The following EPC1 variants were observed in gnomAD, a reference collection of about 807,000 sequenced individuals.
EPC1 encodes the protein enhancer of polycomb 1.
A neutral mutation model predicts 98.4 loss-of-function variants in EPC1; 12 were observed. The observed-to-expected ratio is 0.12, with a 90% CI of 0.08 to 0.20. The LOEUF is 0.20. Among genes scored for constraint, EPC1 ranks in the 10% least tolerant of loss-of-function variants. The pLI, the probability that EPC1 is intolerant of heterozygous loss-of-function variation, is 1.00. For synonymous variants in EPC1, 357 were observed against 363.9 expected (o/e 0.98, Z 0.21); for missense variants, 729 against 990.5 (o/e 0.74, Z 3.54).
chr10:32,289,060 G>C (rs1482830837), intron 6 of EPC1, among the ~76,000 whole-genome samples: 2 of 152,042 alleles, frequency 1.3e-5, no homozygotes, highest in East Asian at 1.9e-4. Context: ...CTGCACTCCA[G>C]CCTGGGTGAC....
At position 32,268,867 on chromosome 10, in the gene EPC1, A is replaced by T. The variant is rs891216408; in HGVS notation, c.*196T>A. 3.0e-5 allele frequency: 16 copies of T among 529,686 alleles called. No individual in the cohort carries two copies. Among genetic ancestry groups the T allele is most frequent in the Non-Finnish European group, 4.7e-5 (14 of 296,002 alleles). The allele number at this position is 529,686 out of a possible 1,614,324, so 32.8% of individuals were successfully genotyped here. A position where few individuals can be genotyped will look rare whatever the true frequency, so the allele number is the denominator to read the frequency against. On this transcript the variant is annotated 3_prime_UTR_variant, in exon 14 of 14. Coordinates refer to ENST00000319778, the MANE Select transcript of EPC1 (RefSeq NM_001272004.3). ...CTGTACAGATAATTGCTGTATTCTT[A>T]ATTTACAGATGTTGATTTTTTTCCT...
chr10:32,361,628 A>G (rs74495176), intron 1 of EPC1, among the ~76,000 whole-genome samples: 2 of 152,048 alleles, frequency 1.3e-5, no homozygotes, highest in East Asian at 3.9e-4. Flanking sequence ...ATCACCAGAC[A>G]CCCCCTATGG....
intron 1 of EPC1, among the ~76,000 whole-genome samples, chr10:32,361,025 G>C (rs1305463919): frequency 6.6e-6 from 1 of 152,228 alleles, no homozygotes; most frequent in African/African-American, 2.4e-5. Flanking sequence ...GGCCAAGGGA[G>C]CACTCTCCAA....
upstream of EPC1, chr10:32,347,222 C>T: frequency 8.3e-7 from 1 of 1,212,014 alleles, no homozygotes; most frequent in Non-Finnish European, 1.0e-6. Flanking sequence ...GGCACGCGGG[C>T]GGGGGGAGGG....
At chr10:32,341,521 G>C (rs1838353220) in intron 1 of EPC1, among the ~76,000 whole-genome samples, 1 of 152,128 alleles carries the variant, frequency 6.6e-6, no homozygotes, top group African/African-American at 2.4e-5. Context: ...AAGCTACACT[G>C]TAGGCAGTAC....
At chr10:32,336,449 T>A (rs1837981178) in intron 1 of EPC1, among the ~76,000 whole-genome samples, 1 of 152,132 alleles carries the variant, frequency 6.6e-6, no homozygotes, top group African/African-American at 2.4e-5. Context: ...ACAAACCCTA[T>A]CTACCTACTT....
intron 1 of EPC1, among the ~76,000 whole-genome samples, chr10:32,344,422 A>T (rs1311869099): frequency 6.6e-6 from 1 of 151,530 alleles, no homozygotes; most frequent in Non-Finnish European, 1.5e-5. Flanking sequence ...CTGAAGAAAA[A>T]AAAAAATCCC....
chr10:32,328,856 A>G (rs1007521677), intron 1 of EPC1, among the ~76,000 whole-genome samples: 1 of 152,174 alleles, frequency 6.6e-6, no homozygotes, highest in Non-Finnish European at 1.5e-5. Context: ...TGGGTGTGGC[A>G]GGAAGGTGGT....
chr10:32,335,349 G>A (rs528230165), intron 1 of EPC1, among the ~76,000 whole-genome samples: 1 of 152,088 alleles, frequency 6.6e-6, no homozygotes, highest in Non-Finnish European at 1.5e-5. Flanking sequence ...CTTCCACTCT[G>A]TTGTCTAGAC....
intron 1 of EPC1, among the ~76,000 whole-genome samples, chr10:32,328,025 A>G (rs1837408377): frequency 6.8e-6 from 1 of 146,478 alleles, no homozygotes; most frequent in African/African-American, 2.5e-5. Context: ...GTAAGCAGGA[A>G]TAAAAGGAAG....
intron 6 of EPC1, among the ~76,000 whole-genome samples, chr10:32,290,732 C>T (rs1043552458): frequency 6.6e-6 from 1 of 151,570 alleles, no homozygotes; most frequent in African/African-American, 2.4e-5. Flanking sequence ...GTGGCACAAT[C>T]ATTGCAGTAT....
intron 1 of EPC1, among the ~76,000 whole-genome samples, chr10:32,368,418 T>C (rs1236664651): frequency 6.6e-6 from 1 of 152,232 alleles, no homozygotes; most frequent in Non-Finnish European, 1.5e-5. Context: ...TCTTTGCCTG[T>C]GCCCACACTG....
intron 1 of EPC1, among the ~76,000 whole-genome samples, chr10:32,314,856 C>T (rs1386138531): frequency 1.3e-5 from 2 of 152,248 alleles, no homozygotes; most frequent in Non-Finnish European, 2.9e-5. Flanking sequence ...ATCTTTGCTG[C>T]TATCGCCATT....
chr10:32,284,614 G>GT, intron 10 of EPC1, 84 bp downstream of exon 10: 2 of 1,139,290 alleles, frequency 1.8e-6, no homozygotes. Flanking sequence ...AGCCATAAAT[G>GT]TAACAGACCA....
At chr10:32,317,868 A>C (rs1381112550) in intron 1 of EPC1, among the ~76,000 whole-genome samples, 6 of 152,192 alleles carry the variant, frequency 3.9e-5, no homozygotes, top group Non-Finnish European at 8.8e-5. Flanking sequence ...TTTACAGATA[A>C]AATAGTCCAG....
At chr10:32,275,773 TA>T (rs777944694) in intron 10 of EPC1, among the ~76,000 whole-genome samples, 2,071 of 135,352 alleles carry the variant, frequency 0.015, 15 homozygotes, top group Non-Finnish European at 0.023. Flanking sequence ...AGACTCCTTC[TA>T]AAAAAAAAAA....
At chr10:32,356,261 C>T (rs913141194) in intron 1 of EPC1, among the ~76,000 whole-genome samples, 2 of 152,100 alleles carry the variant, frequency 1.3e-5, no homozygotes, top group Non-Finnish European at 2.9e-5. Context: ...TTTTATCTTT[C>T]ACTATATTTA....
rs559902445 is a variant in EPC1 at position 32,323,748 on chromosome 10, A to T, written c.154-17817T>A. Reference sequence around the variant, plus strand: ...CCTCTTAGCATGGTCCCTAGCATACACATATTAGCTCTCTGACTAATGAAA... The same window carrying T: ...CCTCTTAGCATGGTCCCTAGCATACTCATATTAGCTCTCTGACTAATGAAA... On this transcript the variant is annotated intron_variant, in intron 1 of 13. Coordinates refer to ENST00000319778, the MANE Select transcript of EPC1 (RefSeq NM_001272004.3). 7.2e-5 allele frequency among the ~76,000 whole-genome samples: 11 copies of T among 152,330 alleles called. No individual in the cohort carries two copies. The East Asian group carries it at 1.9e-3, about 27-fold the overall frequency.
intron 1 of EPC1, among the ~76,000 whole-genome samples, chr10:32,309,361 G>A (rs1236311629): frequency 6.6e-6 from 1 of 151,978 alleles, no homozygotes; most frequent in Non-Finnish European, 1.5e-5. Flanking sequence ...ATTACACATT[G>A]TATGCCCCTA....
Sources: allele counts gnomAD v4.1 joint callset (sites outside exome capture counted in the v4.1 genomes callset), GRCh38; gene constraint gnomAD v4.1.1; transcripts MANE v1.5; gene names NCBI Gene and HGNC (gene_info 2026-07-23, HGNC 2026-07-21).